The following COL25A1 variants were observed in gnomAD, a reference collection of about 807,000 sequenced individuals.
COL25A1 encodes the protein collagen alpha-1(XXV) chain.
Under a neutral mutation model 128.4 loss-of-function variants are expected in COL25A1, and 103 were observed. That is an observed-to-expected ratio of 0.80 (90% confidence interval 0.68 to 0.94). The LOEUF is 0.94. COL25A1 is among the 40% of genes least tolerant of loss of function. The probability of loss-of-function intolerance (pLI) is 0.00; values close to 1 mark genes in which losing one functional copy is unlikely to be tolerated. For missense variants in COL25A1, 745 were observed against 840.0 expected, an observed-to-expected ratio of 0.89 and a Z score of 1.40; for synonymous variants, 279 against 277.2, an observed-to-expected ratio of 1.01 and a Z score of -0.06.
intron 16 of COL25A1, among the ~76,000 whole-genome samples, chr4:108,892,623 AG>A (rs1223884440): frequency 6.6e-6 from 1 of 152,218 alleles, no homozygotes; most frequent in East Asian, 1.9e-4. Context: ...ATTGATGGAA[AG>A]CATGAAAGGT....
chr4:108,883,800 G>A (rs752627004), intron 19 of COL25A1, among the ~76,000 whole-genome samples: 6 of 152,140 alleles, frequency 3.9e-5, no homozygotes, highest in Non-Finnish European at 8.8e-5. Flanking sequence ...CTGCCTAAAT[G>A]TTAGCTTTAT....
chr4:109,201,219 C>G (rs1362288436), intron 3 of COL25A1, among the ~76,000 whole-genome samples: 1 of 151,948 alleles, frequency 6.6e-6, no homozygotes, highest in African/African-American at 2.4e-5. Flanking sequence ...TGCACTTGGT[C>G]CAGTAATTTA....
rs567766025 is a variant in COL25A1 at position 109,210,990 on chromosome 4, G to A, written c.367+89593C>T. On this transcript the variant is annotated intron_variant, in intron 3 of 37. Transcript: ENST00000399132. ...AACACTGAGCACACATGGGCACAAA[G>A]AAGGGAACCACAGACACCGGGGCCT... Among the ~76,000 whole-genome samples the A allele has an allele frequency of 2.4e-3, 371 of 152,030 alleles. 2 individuals carry two copies. Among genetic ancestry groups the A allele is most frequent in the African/African-American group, 8.7e-3 (360 of 41,494 alleles).
intron 8 of COL25A1, among the ~76,000 whole-genome samples, chr4:108,962,200 T>C (rs1331966436): frequency 6.6e-6 from 1 of 151,932 alleles, no homozygotes; most frequent in Non-Finnish European, 1.5e-5. Flanking sequence ...TTTTTCTTTT[T>C]TTTTTGAGAC....
At position 109,225,925 on chromosome 4, in the gene COL25A1, C is replaced by T. The variant is rs561218331; in HGVS notation, c.367+74658G>A. Among the ~76,000 whole-genome samples the T allele has an allele frequency of 5.3e-5, 8 of 151,584 alleles. No homozygotes were observed. In the East Asian group the frequency reaches 1.6e-3, roughly 29 times the overall value. On this transcript the variant is annotated intron_variant, in intron 3 of 37. Coordinates refer to ENST00000399132, the MANE Select transcript of COL25A1 (RefSeq NM_198721.4). ...ATACTTGTTACACACTAGTCACACG[C>T]TAGTTTGTATTTATATAAATATATG...
intron 3 of COL25A1, among the ~76,000 whole-genome samples, chr4:109,172,585 T>C (rs1360513835): frequency 6.6e-6 from 1 of 152,200 alleles, no homozygotes; most frequent in African/African-American, 2.4e-5. Flanking sequence ...CCATCTTGAT[T>C]ATACCACTTT....
At chr4:109,189,063 G>T (rs183655997) in intron 3 of COL25A1, among the ~76,000 whole-genome samples, 2,550 of 151,988 alleles carry the variant, frequency 0.017, 73 homozygotes, top group African/African-American at 0.058. Flanking sequence ...TAAAAAGATG[G>T]ATAATATTTC....
At chr4:109,010,286 G>T in intron 6 of COL25A1, 72 bp downstream of exon 6, 1 of 1,146,216 alleles carries the variant, frequency 8.7e-7, no homozygotes, top group Non-Finnish European at 1.2e-6. Context: ...TCTTTTGAAA[G>T]AATTGCAGAA....
chr4:109,061,620 C>G (rs1761981860), intron 3 of COL25A1, among the ~76,000 whole-genome samples: 3 of 152,120 alleles, frequency 2.0e-5, no homozygotes, highest in Non-Finnish European at 4.4e-5. Flanking sequence ...CAGTTGGCCT[C>G]CCATAGAAAA....
chr4:108,897,979 CA>C (rs35065742), intron 15 of COL25A1, among the ~76,000 whole-genome samples: 79,146 of 151,912 alleles, frequency 0.52, 22,030 homozygotes, highest in East Asian at 0.93. Flanking sequence ...CTAATTTCTA[CA>C]CAAAAGAGTC....
intron 11 of COL25A1, among the ~76,000 whole-genome samples, chr4:108,930,257 A>G (rs1307810360): frequency 6.6e-6 from 1 of 152,124 alleles, no homozygotes; most frequent in African/African-American, 2.4e-5. Flanking sequence ...CATGCTTTAA[A>G]AGGCTTTTTT....
chr4:109,181,591 A>C lies in COL25A1; in HGVS notation c.367+118992T>G, dbSNP rs141751163. On this transcript the variant is annotated intron_variant, in intron 3 of 37. Transcript: ENST00000399132. Reference sequence around the variant, plus strand: ...TAAATTTTTCAAATTGACAGATAAAAATTATGCAAATGTTTTGATGTACAA... The same window carrying C: ...TAAATTTTTCAAATTGACAGATAAACATTATGCAAATGTTTTGATGTACAA... 9.3e-3 allele frequency among the ~76,000 whole-genome samples: 1,410 copies of C among 152,202 alleles called. 6 individuals carry two copies. Among genetic ancestry groups the C allele is most frequent in the Non-Finnish European group, 0.015 (1,016 of 67,976 alleles).
rs149501565 is a variant in COL25A1 at position 109,264,634 on chromosome 4, C to T, written c.367+35949G>A. On this transcript the variant is annotated intron_variant, in intron 3 of 37. Transcript: ENST00000399132. ...CATCATTCACTGAGAAAAGCCTGGG[C>T]GAAGAGCAGATTCAGTGGGGAATGG... Among the ~76,000 whole-genome samples the T allele has an allele frequency of 1.1e-3, 161 of 152,186 alleles. 1 individual carries two copies. Among genetic ancestry groups the T allele is most frequent in the Non-Finnish European group, 1.3e-3 (86 of 68,004 alleles).
chr4:108,841,602 A>T, intron 31 of COL25A1, 93 bp downstream of exon 31: 1 of 1,042,140 alleles, frequency 9.6e-7, no homozygotes. Flanking sequence ...TTACTTGACA[A>T]ATAAATAAGA....
chr4:109,256,085 G>GGTGTGTGTGTGTGT (rs60794002), intron 3 of COL25A1, among the ~76,000 whole-genome samples: 73 of 143,350 alleles, frequency 5.1e-4, no homozygotes, highest in African/African-American at 1.9e-3. Flanking sequence ...TTTAAGCATT[G>GGTGTGTGTGTGTGT]GTGTGTGTGT....
In COL25A1 at chr4:109,097,082, C is replaced by T. The variant is rs562285450; in HGVS notation, c.368-46903G>A. Among the ~76,000 whole-genome samples the T allele has an allele frequency of 1.3e-4, 20 of 152,244 alleles. No individual in the cohort carries two copies. In the South Asian group the frequency reaches 2.9e-3, roughly 22 times the overall value. ...TAAGGGTTAAAAGCAGAAGGAACTT[C>T]GTGTTATGCTGGCTCAAGTAGACTG... On this transcript the variant is annotated intron_variant, in intron 3 of 37. Transcript: ENST00000399132.
chr4:108,974,670 A>T, intron 6 of COL25A1, 111 bp from the exon 7 acceptor site: 1 of 877,298 alleles, frequency 1.1e-6, no homozygotes, highest in Non-Finnish European at 1.7e-6. Context: ...GATAGCTGTC[A>T]ATGAGGTTTC....
At chr4:109,128,614 G>A (rs1030320363) in intron 3 of COL25A1, among the ~76,000 whole-genome samples, 1 of 152,158 alleles carries the variant, frequency 6.6e-6, no homozygotes, top group Non-Finnish European at 1.5e-5. Context: ...TGCCCAGACT[G>A]TCCTTGTTTG....
At chr4:109,120,817 A>G (rs1768041516) in intron 3 of COL25A1, among the ~76,000 whole-genome samples, 1 of 110,114 alleles carries the variant, frequency 9.1e-6, no homozygotes, top group Non-Finnish European at 1.7e-5. Context: ...CAACAAAAGA[A>G]AAAAAAAAAA....
Sources: gnomAD v4.1 joint callset for allele counts (sites outside exome capture counted in the v4.1 genomes callset) on GRCh38, gnomAD v4.1.1 for gene constraint, MANE v1.5 for transcripts, NCBI Gene and HGNC (gene_info 2026-07-23, HGNC 2026-07-21) for gene names.